Variants in WASL observed in about 807,000 individuals in gnomAD.
The protein encoded by WASL is actin nucleation-promoting factor WASL.
A neutral mutation model predicts 55.5 loss-of-function variants in WASL; 20 were observed. The observed-to-expected ratio is 0.36, with a 90% CI of 0.25 to 0.52. The LOEUF is 0.52. Ranked by LOEUF, WASL falls within the 20% of genes least tolerant of loss-of-function variation. The pLI, the probability that WASL is intolerant of heterozygous loss-of-function variation, is 0.92. For missense variants in WASL, 504 were observed against 622.5 expected, an observed-to-expected ratio of 0.81 and a Z score of 2.03; for synonymous variants, 249 against 217.6, an observed-to-expected ratio of 1.14 and a Z score of -1.27.
chr7:123,741,513 A>T (rs1044527264), intron 1 of WASL, among the ~76,000 whole-genome samples: 29 of 152,210 alleles, frequency 1.9e-4, no homozygotes, highest in Admixed American at 7.9e-4. Flanking sequence ...TAGAACCTTT[A>T]GAGTAAGAGT....
chr7:123,695,539 A>C (rs1803476584), intron 7 of WASL, among the ~76,000 whole-genome samples: 1 of 152,096 alleles, frequency 6.6e-6, no homozygotes, highest in African/African-American at 2.4e-5. Flanking sequence ...TGAAATTATC[A>C]CTTGGCAGAA....
chr7:123,713,432 T>C lies in WASL; in HGVS notation c.118-4209A>G, dbSNP rs116831622. ...CCTCCTAAAGTGTAGGGATTACAGA[T>C]GCGAGCCACTGTGCCTGGCCAAATA... On this transcript the variant is annotated intron_variant, in intron 1 of 10. Transcript: ENST00000223023. 8.2e-3 allele frequency among the ~76,000 whole-genome samples: 1,250 copies of C among 152,280 alleles called. 25 individuals are homozygous for C. The highest frequency in any genetic ancestry group is 0.028 in the African/African-American group (1,184 of 41,560).
chr7:123,721,038 A>G (rs1277801480), intron 1 of WASL, among the ~76,000 whole-genome samples: 2 of 152,328 alleles, frequency 1.3e-5, no homozygotes, highest in East Asian at 3.9e-4. Context: ...ATAACATACT[A>G]CAGTGCCTAG....
intron 1 of WASL, among the ~76,000 whole-genome samples, chr7:123,720,534 T>G (rs572052410): frequency 6.6e-6 from 1 of 152,264 alleles, no homozygotes; most frequent in South Asian, 2.1e-4. Flanking sequence ...CAGACAAAAC[T>G]AGTAACAGTT....
chr7:123,683,358 T>G lies in WASL; in HGVS notation c.*1161A>C, dbSNP rs1299366596. The G allele has an allele frequency of 2.0e-5, 3 of 151,892 alleles. No homozygotes were observed. Among genetic ancestry groups the G allele is most frequent in the East Asian group, 1.9e-4 (1 of 5,190 alleles). The allele number at this position is 151,892 out of a possible 1,614,324, so 9.4% of individuals were successfully genotyped here. ...TAGTATGCATAACAAATGTGCAGGTTGTAAAGTTTTATCTTTAAAAAAAAA... is the reference window on the plus strand; with the variant it reads ...TAGTATGCATAACAAATGTGCAGGTGGTAAAGTTTTATCTTTAAAAAAAAA... On this transcript the variant is annotated 3_prime_UTR_variant, in exon 11 of 11. Coordinates refer to ENST00000223023, the MANE Select transcript of WASL (RefSeq NM_003941.4).
At position 123,682,837 on chromosome 7, in the gene WASL, T is replaced by G. The variant is rs1344727682; in HGVS notation, c.*1682A>C. 2.0e-5 allele frequency: 3 copies of G among 152,114 alleles called. No individual in the cohort carries two copies. Among genetic ancestry groups the G allele is most frequent in the African/African-American group, 7.2e-5 (3 of 41,444 alleles). The allele number at this position is 152,114 out of a possible 1,614,324, so 9.4% of individuals were successfully genotyped here. On this transcript the variant is annotated 3_prime_UTR_variant, in exon 11 of 11. Coordinates refer to ENST00000223023, the MANE Select transcript of WASL (RefSeq NM_003941.4). The stretch of plus-strand genomic sequence containing the variant: ...GGTTTCTAGCAGCAGAGGGCACTGT[T>G]GTTGCAAGAAACAAAAAGTCTAGAA...
At chr7:123,693,720 C>T (rs1335090695) in intron 8 of WASL, among the ~76,000 whole-genome samples, 3 of 152,158 alleles carry the variant, frequency 2.0e-5, no homozygotes, top group South Asian at 2.1e-4. Context: ...AATCCCAGCA[C>T]TTTGGGAGGC....
In WASL at chr7:123,709,197, T is replaced by G; in HGVS notation, c.144A>C (p.Leu48Phe). ...CVTMSSAVVQ[L>F]YAADRNCMWS... is the part of the protein sequence containing the mutation. The stretch of plus-strand genomic sequence containing the variant: ...ACATACAGTTCCGATCTGCTGCATA[T>G]AACTGCACCACTGCTGAAGACATAG... Residue 48 changes from leucine to phenylalanine, a missense_variant, in exon 2 of 11, where the codon TTA becomes TTC. By Grantham distance (22) the Leu-to-Phe change is conservative. Transcript: ENST00000223023. The G allele has an allele frequency of 6.2e-7, 1 of 1,610,628 alleles. No homozygotes were observed. Among genetic ancestry groups the G allele is most frequent in the Non-Finnish European group, 8.5e-7 (1 of 1,178,132 alleles).
At chr7:123,688,614 G>T (rs553396310) in intron 10 of WASL, among the ~76,000 whole-genome samples, 1 of 152,112 alleles carries the variant, frequency 6.6e-6, no homozygotes, top group East Asian at 1.9e-4. Flanking sequence ...CACCCGCCTC[G>T]GCCTCCCAAA....
intron 1 of WASL, among the ~76,000 whole-genome samples, chr7:123,713,333 T>G (rs1803789065): frequency 6.6e-6 from 1 of 151,992 alleles, no homozygotes; most frequent in African/African-American, 2.4e-5. Context: ...TCTAATTTTT[T>G]GTAGAGATGC....
intron 2 of WASL, among the ~76,000 whole-genome samples, chr7:123,708,166 C>G (rs1048180033): frequency 2.7e-5 from 4 of 148,332 alleles, no homozygotes; most frequent in Non-Finnish European, 4.5e-5. Flanking sequence ...AGAGCAAGAG[C>G]AAGACCCTGT....
At position 123,739,906 on chromosome 7, in the gene WASL, GTGTGTGTGTATATATA is replaced by G. The variant is rs1222266748; in HGVS notation, c.117+8696_117+8711del. 5.9e-3 allele frequency among the ~76,000 whole-genome samples: 175 copies of G among 29,858 alleles called. 2 individuals carry two copies. In the South Asian group the frequency reaches 0.1, roughly 17 times the overall value. The allele number at this position is 29,858 out of a possible 152,430, so 19.6% of individuals were successfully genotyped here. A position where few individuals can be genotyped will look rare whatever the true frequency, so the allele number is the denominator to read the frequency against. On this transcript the variant is annotated intron_variant, in intron 1 of 10. Coordinates refer to ENST00000223023, the MANE Select transcript of WASL (RefSeq NM_003941.4). ...TGTGTGTGTGTGTGTGTGTGTGTGT[GTGTGTGTGTATATATA>G]TATATATATGCTGGTTTGCAGCATA...
At chr7:123,726,512 A>C (rs1215205959) in intron 1 of WASL, among the ~76,000 whole-genome samples, 1 of 152,208 alleles carries the variant, frequency 6.6e-6, no homozygotes, top group Non-Finnish European at 1.5e-5. Flanking sequence ...GGTTAAAGAA[A>C]AAAAAAAGAT....
At chr7:123,704,321 C>T (rs1047597379) in intron 5 of WASL, among the ~76,000 whole-genome samples, 17 of 152,142 alleles carry the variant, frequency 1.1e-4, no homozygotes, top group African/African-American at 4.1e-4. Context: ...ACTTAGTCAA[C>T]TGTGAATCCA....
At chr7:123,707,758 T>C (rs1017665871) in intron 2 of WASL, among the ~76,000 whole-genome samples, 2 of 152,326 alleles carry the variant, frequency 1.3e-5, no homozygotes, top group South Asian at 2.1e-4. Context: ...GGGGGTTTCT[T>C]TCAAACTACG....
intron 1 of WASL, among the ~76,000 whole-genome samples, chr7:123,722,792 G>A (rs542560977): frequency 2.6e-5 from 4 of 152,208 alleles, no homozygotes; most frequent in African/African-American, 4.8e-5. Context: ...GACAGAGGGA[G>A]ACTCTGTCTC....
intron 1 of WASL, 145 bp downstream of exon 1, chr7:123,748,473 G>T: frequency 1.4e-6 from 1 of 705,332 alleles, no homozygotes; most frequent in South Asian, 2.5e-5. Flanking sequence ...CGAGGGCGCC[G>T]ACGAGGGGCC....
intron 10 of WASL, among the ~76,000 whole-genome samples, chr7:123,686,850 T>G (rs1271703192): frequency 3.3e-5 from 5 of 152,180 alleles, no homozygotes; most frequent in Admixed American, 6.5e-5. Flanking sequence ...TTTTCACTGT[T>G]TTTATGCTAA....
chr7:123,702,228 G>A (rs1426243564), intron 5 of WASL, among the ~76,000 whole-genome samples: 2 of 151,924 alleles, frequency 1.3e-5, no homozygotes, highest in African/African-American at 4.8e-5. Context: ...GCTAATTTTT[G>A]TACTTTTAAT....
Sources: gnomAD v4.1 joint callset for allele counts (sites outside exome capture counted in the v4.1 genomes callset) on GRCh38, gnomAD v4.1.1 for gene constraint, MANE v1.5 for transcripts, NCBI Gene and HGNC (gene_info 2026-07-23, HGNC 2026-07-21) for gene names.